IFT20: variants seen among roughly 807,000 people sequenced by gnomAD.
The protein encoded by IFT20 is intraflagellar transport protein 20 homolog.
IFT20 carries 4 observed loss-of-function variants against 16.9 expected under a neutral mutation model. The observed-to-expected ratio is 0.24, with a 90% CI of 0.12 to 0.54. The LOEUF (loss-of-function observed/expected upper bound fraction) is 0.54, where lower values mean the gene tolerates loss of function less well. Ranked by LOEUF, IFT20 falls within the 20% of genes least tolerant of loss-of-function variation. The probability of loss-of-function intolerance (pLI) is 0.95; values close to 1 mark genes in which losing one functional copy is unlikely to be tolerated. For missense variants in IFT20, 154 were observed against 149.7 expected, an observed-to-expected ratio of 1.03 and a Z score of -0.15; for synonymous variants, 48 against 49.9, an observed-to-expected ratio of 0.96 and a Z score of 0.16.
rs551799580 is a variant in IFT20 at position 28,329,386 on chromosome 17, A to C, written c.214-110T>G. 7 of 802,860 alleles carry C rather than the reference A, an allele frequency of 8.7e-6. No homozygotes were observed. In the East Asian group the frequency reaches 1.7e-4, roughly 20 times the overall value. The allele number at this position is 802,860 out of a possible 1,614,324, so 49.7% of individuals were successfully genotyped here. On this transcript the variant is annotated intron_variant, in intron 3 of 4. Transcript: ENST00000395418. Reference sequence around the variant, plus strand: ...GCTGTGTCAGTCTTCAGAGAGGAAAAGAAAGTGGAGCCCCAAAGCTTTTGG... The same window carrying C: ...GCTGTGTCAGTCTTCAGAGAGGAAACGAAAGTGGAGCCCCAAAGCTTTTGG...
intron 1 of IFT20, 42 bp from the exon 2 acceptor site, chr17:28,332,029 C>T: frequency 2.5e-6 from 4 of 1,613,408 alleles, no homozygotes; most frequent in Non-Finnish European, 3.4e-6. Flanking sequence ...TTCCCAGCCA[C>T]CCAAGGAAAT....
chr17:28,334,688 ATGTT>A (rs1907017376), intron 1 of IFT20, among the ~76,000 whole-genome samples: 1 of 152,250 alleles, frequency 6.6e-6, no homozygotes, highest in Non-Finnish European at 1.5e-5. Flanking sequence ...CACTCAGTAA[ATGTT>A]TGTGGAATGA....
Position 28,328,446 on chromosome 17 carries a change from G to A in IFT20, c.*206C>T. 1.8e-6 allele frequency: 1 copy of A among 567,314 alleles called. No homozygotes were observed. The highest frequency in any genetic ancestry group is 3.4e-5 in the Admixed American group (1 of 29,064). The allele number at this position is 567,314 out of a possible 1,614,324, so 35.1% of individuals were successfully genotyped here. A position where few individuals can be genotyped will look rare whatever the true frequency, so the allele number is the denominator to read the frequency against. The stretch of plus-strand genomic sequence containing the variant: ...AGCATAAGAGGTGAGAACGTACACT[G>A]CAGGGCCACCAGCAGCAGCTGTGCA... On this transcript the variant is annotated 3_prime_UTR_variant, in exon 5 of 5. Transcript: ENST00000395418.
intron 4 of IFT20, 101 bp from the exon 5 acceptor site, chr17:28,328,834 A>G (rs1359082306): frequency 6.3e-6 from 5 of 794,806 alleles, no homozygotes; most frequent in African/African-American, 1.7e-5. Context: ...ATTTCAAGAA[A>G]TGGTGTGAGT....
intron 2 of IFT20, 97 bp downstream of exon 2, chr17:28,331,762 A>G (rs1260625026): frequency 2.0e-6 from 3 of 1,500,540 alleles, no homozygotes; most frequent in Non-Finnish European, 1.8e-6. Flanking sequence ...ACCTCCAGGG[A>G]GCCAGCAGCT....
chr17:28,331,672 T>C (rs1906790688), intron 2 of IFT20, 187 bp downstream of exon 2: 1 of 623,188 alleles, frequency 1.6e-6, no homozygotes, highest in African/African-American at 1.8e-5. Context: ...GTTTGACTGG[T>C]GCCCTGTTGG....
At chr17:28,330,246 A>G (rs1597785476) in intron 3 of IFT20, 197 bp downstream of exon 3, 1 of 617,256 alleles carries the variant, frequency 1.6e-6, no homozygotes, top group East Asian at 2.8e-5. Flanking sequence ...AAAAAAAAAA[A>G]AAAAATAAAG....
chr17:28,330,059 CAAAAAA>C, intron 3 of IFT20: 12 of 402,860 alleles, frequency 3.0e-5, no homozygotes, highest in Non-Finnish European at 4.2e-5. Flanking sequence ...AACTCCGTCT[CAAAAAA>C]AAAAAAAAAA....
chr17:28,329,328 CA>C (rs782401764), intron 3 of IFT20, 52 bp from the exon 4 acceptor site: 30 of 1,424,670 alleles, frequency 2.1e-5, no homozygotes, highest in Middle Eastern at 3.6e-4. Flanking sequence ...TCTACAGCAT[CA>C]AGTCCTCAAA....
At chr17:28,333,722 G>A (rs564149024) in intron 1 of IFT20, among the ~76,000 whole-genome samples, 8 of 152,322 alleles carry the variant, frequency 5.3e-5, no homozygotes, top group Non-Finnish European at 8.8e-5. Flanking sequence ...CTTGGGCACA[G>A]GAGTCTGAAA....
At chr17:28,334,226 G>A (rs1178886666) in intron 1 of IFT20, among the ~76,000 whole-genome samples, 3 of 152,194 alleles carry the variant, frequency 2.0e-5, no homozygotes, top group South Asian at 2.1e-4. Context: ...CATGGGGGGC[G>A]GACTTGGAGG....
At chr17:28,330,407 A>C (rs377033229) in intron 3 of IFT20, 36 bp downstream of exon 3, 27 of 1,477,406 alleles carry the variant, frequency 1.8e-5, no homozygotes, top group Non-Finnish European at 2.6e-5. Flanking sequence ...CTAGGGTCCC[A>C]GGCCAAGATG....
In IFT20 at chr17:28,328,791, ATTC is replaced by A. The variant is rs1906506982; in HGVS notation, c.318-61_318-59del. ...AAAGATGAAGTAAACCACAGACCTAATTCTTCTAGAGAAGGATATAGAGGTTTA... is the reference window on the plus strand; with the variant it reads ...AAAGATGAAGTAAACCACAGACCTAATTCTAGAGAAGGATATAGAGGTTTA... On this transcript the variant is annotated intron_variant, in intron 4 of 4. Transcript: ENST00000395418. 7 of 991,114 alleles carry A rather than the reference ATTC, an allele frequency of 7.1e-6. No individual in the cohort carries two copies. The East Asian group carries it at 1.4e-4, about 20-fold the overall frequency. 61.4% of individuals were successfully genotyped at this position (991,114 alleles called of 1,614,324 possible). A position where few individuals can be genotyped will look rare whatever the true frequency, so the allele number is the denominator to read the frequency against.
intron 4 of IFT20, 165 bp from the exon 5 acceptor site, chr17:28,328,898 T>C (rs1203853956): frequency 3.1e-6 from 2 of 639,852 alleles, no homozygotes; most frequent in Non-Finnish European, 5.5e-6. Flanking sequence ...CCATGAGAAA[T>C]CTCCAGCCCT....
intron 1 of IFT20, among the ~76,000 whole-genome samples, chr17:28,333,417 T>C (rs1906923475): frequency 2.0e-5 from 3 of 152,244 alleles, no homozygotes; most frequent in African/African-American, 4.8e-5. Flanking sequence ...GTTTTTAAGA[T>C]GACCAGAAAT....
intron 3 of IFT20, chr17:28,330,129 G>A (rs782744232): frequency 6.3e-5 from 39 of 618,528 alleles, no homozygotes; most frequent in African/African-American, 4.5e-4. Flanking sequence ...CCACCTACTC[G>A]GGAGGGTGAG....
At chr17:28,329,109 A>AT (rs1906547956) in intron 4 of IFT20, 64 bp downstream of exon 4, 1 of 1,083,598 alleles carries the variant, frequency 9.2e-7, no homozygotes, top group Non-Finnish European at 1.4e-6. Flanking sequence ...AGAAGTGATC[A>AT]TTCCAGAAGG....
chr17:28,328,841 G>A (rs1906514251), intron 4 of IFT20, 108 bp from the exon 5 acceptor site: 2 of 776,054 alleles, frequency 2.6e-6, no homozygotes, highest in East Asian at 2.4e-5. Context: ...GAAATGGTGT[G>A]AGTTCAGAAT....
At chr17:28,329,453 A>G (rs1906583224) in intron 3 of IFT20, 177 bp from the exon 4 acceptor site, 2 of 580,084 alleles carry the variant, frequency 3.4e-6, no homozygotes, top group Non-Finnish European at 6.1e-6. Flanking sequence ...AAAGTGCCTC[A>G]AGAACTAGAC....
Sources: gnomAD v4.1 joint callset for allele counts (sites outside exome capture counted in the v4.1 genomes callset) on GRCh38, gnomAD v4.1.1 for gene constraint, MANE v1.5 for transcripts, NCBI Gene and HGNC (gene_info 2026-07-23, HGNC 2026-07-21) for gene names.